Variants in STYXL2 observed in about 807,000 individuals in gnomAD.
STYXL2 encodes the protein serine/threonine/tyrosine-interacting-like protein 2.
A neutral mutation model predicts 52.4 loss-of-function variants in STYXL2; 44 were observed. That is an observed-to-expected ratio of 0.84 (90% CI 0.66 to 1.08). The LOEUF is 1.08. STYXL2 is among the 50% of genes least tolerant of loss of function. The probability of loss-of-function intolerance (pLI) is 0.00; values close to 1 mark genes in which losing one functional copy is unlikely to be tolerated. For synonymous variants in STYXL2, 604 were observed against 586.9 expected (o/e 1.03, Z -0.42); for missense variants, 1,604 against 1,471.7 (o/e 1.09, Z -1.47).
chr1:167,113,058 C>T (rs183326974), intron 2 of STYXL2, among the ~76,000 whole-genome samples: 98 of 152,188 alleles, frequency 6.4e-4, no homozygotes, highest in Non-Finnish European at 8.8e-5. Context: ...ACAACTGCAC[C>T]GAATTATTTT....
At chr1:167,112,034 G>A (rs1461766310) in intron 2 of STYXL2, among the ~76,000 whole-genome samples, 2 of 152,164 alleles carry the variant, frequency 1.3e-5, no homozygotes, top group South Asian at 2.1e-4. Context: ...GGAGTAGCCT[G>A]TGAATCTACT....
At chr1:167,123,160 A>G (rs1444288556) in intron 5 of STYXL2, among the ~76,000 whole-genome samples, 1 of 152,202 alleles carries the variant, frequency 6.6e-6, no homozygotes, top group Non-Finnish European at 1.5e-5. Flanking sequence ...TTGTGCAGAG[A>G]AGAATCTATA....
At chr1:167,099,352 T>C (rs1028509833) in intron 2 of STYXL2, among the ~76,000 whole-genome samples, 2 of 152,170 alleles carry the variant, frequency 1.3e-5, no homozygotes, top group Non-Finnish European at 2.9e-5. Flanking sequence ...AAAATTAACC[T>C]AATGAGCATT....
At chr1:167,102,318 T>TAA (rs1234422664) in intron 2 of STYXL2, among the ~76,000 whole-genome samples, 1 of 151,392 alleles carries the variant, frequency 6.6e-6, no homozygotes, top group African/African-American at 2.4e-5. Flanking sequence ...TATATATATA[T>TAA]AAAAGATAAA....
chr1:167,107,410 A>G (rs563335162), intron 2 of STYXL2, among the ~76,000 whole-genome samples: 1 of 152,316 alleles, frequency 6.6e-6, no homozygotes, highest in East Asian at 1.9e-4. Context: ...TTACTCTACC[A>G]TAAGAAAAAA....
intron 3 of STYXL2, among the ~76,000 whole-genome samples, chr1:167,115,798 G>T (rs1054114114): frequency 6.6e-6 from 1 of 152,126 alleles, no homozygotes; most frequent in South Asian, 2.1e-4. Context: ...CGTTTGAAAC[G>T]GAGATCAGAG....
In STYXL2 at chr1:167,125,780, A is replaced by T. The variant is rs1183591881; in HGVS notation, c.656-7A>T. On this transcript the variant is annotated splice_polypyrimidine_tract_variant and splice_region_variant and intron_variant, in intron 5 of 5. Coordinates refer to ENST00000361200, the MANE Select transcript of STYXL2 (RefSeq NM_001080426.3). The stretch of plus-strand genomic sequence containing the variant: ...TTACATCATTTTCTCTTGTGTTTTC[A>T]TTTCAGGGAAAGTCCTGGTCAGCAG... 1.3e-6 allele frequency: 2 copies of T among 1,572,294 alleles called. No individual in the cohort carries two copies. The highest frequency in any genetic ancestry group is 2.7e-5 in the African/African-American group (2 of 72,852).
rs759714641 is a variant in STYXL2, at chr1:167,125,963, T to G, written c.832T>G (p.Leu278Val). 2 of 1,613,124 alleles carry G rather than the reference T, an allele frequency of 1.2e-6. No homozygotes were observed. Among genetic ancestry groups the G allele is most frequent in the East Asian group, 2.2e-5 (1 of 44,758 alleles). Residue 278 changes from leucine (L) to valine (V), a missense_variant, in exon 6 of 6, where the codon TTG becomes GTG. By Grantham distance (32) the Leu-to-Val change is conservative (BLOSUM62 1). Coordinates refer to ENST00000361200, the MANE Select transcript of STYXL2 (RefSeq NM_001080426.3). ...GCAGCTGCGGGAGCTCAATGAGAAG[T>G]TGATGGAGGAGAGAGAAGAGGACTA... The part of the protein sequence containing the change: ...LKQLRELNEK[L>V]MEEREEDYGR...
At chr1:167,101,321 G>A (rs11590638) in intron 2 of STYXL2, among the ~76,000 whole-genome samples, 1 of 151,932 alleles carries the variant, frequency 6.6e-6, no homozygotes, top group Non-Finnish European at 1.5e-5. Flanking sequence ...AAAGATTGAC[G>A]ATACCAAATG....
At chr1:167,100,630 A>G (rs1426913454) in intron 2 of STYXL2, among the ~76,000 whole-genome samples, 1 of 152,176 alleles carries the variant, frequency 6.6e-6, no homozygotes, top group South Asian at 2.1e-4. Context: ...CTAGGCAAAA[A>G]CAGGCTCAAC....
intron 2 of STYXL2, among the ~76,000 whole-genome samples, chr1:167,110,952 G>A (rs1667605593): frequency 6.6e-6 from 1 of 152,216 alleles, no homozygotes; most frequent in Non-Finnish European, 1.5e-5. Context: ...TTATTCCTGT[G>A]AATAAACCTG....
chr1:167,101,336 T>C (rs1667399274), intron 2 of STYXL2, among the ~76,000 whole-genome samples: 1 of 152,176 alleles, frequency 6.6e-6, no homozygotes, highest in African/African-American at 2.4e-5. Context: ...CAAATGTTGG[T>C]GGAAAATGTA....
Position 167,125,902 on chromosome 1 carries a change from G to A in STYXL2, c.771G>A (p.Lys257=). The A allele has an allele frequency of 1.2e-6, 2 of 1,614,132 alleles. No homozygotes were observed. Among genetic ancestry groups the A allele is most frequent in the Non-Finnish European group, 1.7e-6 (2 of 1,180,010 alleles). ...TGGAGGCTTTGATGACCGTGCGTAA[G>A]AAGCGGGCCATCTACCCCAATGAGG... ...AILEALMTVR[K]KRAIYPNEGF... Residue 257 remains lysine, a synonymous_variant, in exon 6 of 6, where the codon AAG becomes AAA. Coordinates refer to ENST00000361200, the MANE Select transcript of STYXL2 (RefSeq NM_001080426.3).
rs74381541 is a variant in STYXL2, at chr1:167,122,550, G to A, written c.655+3084G>A. The stretch of plus-strand genomic sequence containing the variant: ...AGAAAGGGGGAATTATGAATTGGGA[G>A]GGTATAGCACAATTGCCTGCCATAT... On this transcript the variant is annotated intron_variant, in intron 5 of 5. Transcript: ENST00000361200. Among the ~76,000 whole-genome samples the A allele has an allele frequency of 2.0e-5, 3 of 152,258 alleles. No homozygotes were observed. The East Asian group carries it at 5.8e-4, about 29-fold the overall frequency.
chr1:167,116,696 G>C (rs1283974240), intron 3 of STYXL2, among the ~76,000 whole-genome samples: 2 of 118,944 alleles, frequency 1.7e-5, no homozygotes, highest in Non-Finnish European at 3.2e-5. Flanking sequence ...TTTTTGCCCA[G>C]GCTGGAATGC....
rs1248403034 is a variant in STYXL2, at chr1:167,119,464, G to A, written c.653G>A (p.Arg218Lys). 1 of 1,613,778 alleles carries A rather than the reference G, an allele frequency of 6.2e-7. No individual in the cohort carries two copies. The highest frequency in any genetic ancestry group is 8.5e-7 in the Non-Finnish European group (1 of 1,179,846). Residue 218 changes from arginine to lysine, a missense_variant and splice_region_variant, in exon 5 of 6, where the codon AGA (arginine) becomes AAA (lysine). Physicochemically the swap from Arg to Lys is conservative, Grantham distance 26. Transcript: ENST00000361200. The part of the protein sequence containing the change: ...EFLDEALLTY[R>K]GKVLVSSEMG... Reference sequence around the variant, plus strand: ...CTGGATGAGGCGCTGCTGACTTACAGAGGTGAGAGGGATCTGCCGCTCCAG... The same window carrying A: ...CTGGATGAGGCGCTGCTGACTTACAAAGGTGAGAGGGATCTGCCGCTCCAG...
Position 167,126,562 on chromosome 1 carries a change from G to A in STYXL2, c.1431G>A (p.Trp477Ter), listed in dbSNP as rs761957812. 3.7e-6 allele frequency: 6 copies of A among 1,613,880 alleles called. No individual in the cohort carries two copies. In the Admixed American group the frequency reaches 1.0e-4, roughly 27 times the overall value. Residue 477 changes from tryptophan to a stop codon, truncating the protein, a stop_gained, in exon 6 of 6, where the codon TGG (tryptophan) becomes TGA (stop). Coordinates refer to ENST00000361200, the MANE Select transcript of STYXL2 (RefSeq NM_001080426.3). LOFTEE classifies it low-confidence loss of function (END_TRUNC). ...RADSMSSEST[W>*]DAWNERLLEI... ...ACTCGATGTCCTCGGAGAGCACCTGGGACGCATGGAACGAGAGGCTGCTGG... is the reference window on the plus strand; with the variant it reads ...ACTCGATGTCCTCGGAGAGCACCTGAGACGCATGGAACGAGAGGCTGCTGG...
At chr1:167,106,112 C>T (rs1042027529) in intron 2 of STYXL2, among the ~76,000 whole-genome samples, 3 of 152,200 alleles carry the variant, frequency 2.0e-5, no homozygotes, top group Admixed American at 2.0e-4. Flanking sequence ...ATATTTAGGA[C>T]AGATTCTTGA....
chr1:167,101,432 ATACATC>A (rs917462306), intron 2 of STYXL2, among the ~76,000 whole-genome samples: 3 of 152,206 alleles, frequency 2.0e-5, no homozygotes, highest in Non-Finnish European at 2.9e-5. Context: ...AAAATTAAAC[ATACATC>A]TACCTAAACA....
Sources: allele counts gnomAD v4.1 joint callset (sites outside exome capture counted in the v4.1 genomes callset), GRCh38; gene constraint gnomAD v4.1.1; transcripts MANE v1.5; gene names NCBI Gene and HGNC (gene_info 2026-07-23, HGNC 2026-07-21).